The following CLPB variants were observed in gnomAD, a reference collection of about 807,000 sequenced individuals.
CLPB encodes ClpB family mitochondrial disaggregase, also known as mitochondrial disaggregase.
A neutral mutation model predicts 78.4 loss-of-function variants in CLPB; 40 were observed. That is an observed-to-expected ratio of 0.51 (90% CI 0.40 to 0.66). CLPB has a LOEUF of 0.66. Among genes scored for constraint, CLPB ranks in the 30% least tolerant of loss-of-function variants. CLPB has a pLI of 0.00. For missense variants in CLPB, 780 were observed against 886.9 expected, an observed-to-expected ratio of 0.88 and a Z score of 1.53; for synonymous variants, 333 against 348.0, an observed-to-expected ratio of 0.96 and a Z score of 0.48.
rs200621339 is a variant in CLPB at position 72,420,410 on chromosome 11, CTTGAACCCAGGAG to C, written c.455+9889_455+9901del. ...TCGGGAGGCTGAGGCAGGAGAATGG[CTTGAACCCAGGAG>C]GCAGAGGTTGCAGTGAGCCGAGATT... is the stretch of plus-strand genomic sequence containing the variant. On this transcript the variant is annotated intron_variant, in intron 2 of 15. Transcript: ENST00000538039. 4.0e-3 allele frequency among the ~76,000 whole-genome samples: 608 copies of C among 152,194 alleles called. 12 individuals carry two copies. In the East Asian group the frequency reaches 0.063, roughly 16 times the overall value.
Position 72,421,576 on chromosome 11 carries a change from C to T in CLPB, c.455+8736G>A, listed in dbSNP as rs368764266. ...AAAGATACTTTACAGTGGAGGCCCC[C>T]GAGGAAACTGAGAGACTAGCCCAAG... On this transcript the variant is annotated intron_variant, in intron 2 of 15. Transcript: ENST00000538039. 5.3e-5 allele frequency among the ~76,000 whole-genome samples: 8 copies of T among 152,232 alleles called. No individual in the cohort carries two copies. The East Asian group carries it at 7.7e-4, about 15-fold the overall frequency.
chr11:72,314,558 C>G (rs188338911), intron 7 of CLPB, among the ~76,000 whole-genome samples: 1 of 152,174 alleles, frequency 6.6e-6, no homozygotes, highest in East Asian at 1.9e-4. Context: ...AGGGGCCAGA[C>G]CAAATTCTTT....
At chr11:72,391,357 T>G (rs1385250320) in intron 3 of CLPB, among the ~76,000 whole-genome samples, 1 of 152,210 alleles carries the variant, frequency 6.6e-6, no homozygotes, top group African/African-American at 2.4e-5. Context: ...TCTTTCTCTT[T>G]GTCTGCACAG....
At chr11:72,412,041 A>C (rs1305206076) in intron 2 of CLPB, 2 of 152,254 alleles carry the variant, frequency 1.3e-5, no homozygotes, top group African/African-American at 4.8e-5. Flanking sequence ...CAGAATCCCC[A>C]GGCAGCCTCC....
chr11:72,300,045 T>C (rs1332151490), intron 11 of CLPB, among the ~76,000 whole-genome samples: 2 of 152,118 alleles, frequency 1.3e-5, no homozygotes, highest in Non-Finnish European at 2.9e-5. Context: ...CATGGTCCCG[T>C]CCCTTGCGTG....
At chr11:72,301,651 T>C (rs1233181642) in intron 11 of CLPB, 152 bp downstream of exon 11, 1 of 845,104 alleles carries the variant, frequency 1.2e-6, no homozygotes, top group Non-Finnish European at 1.9e-6. Context: ...GCAGAGGGGC[T>C]AAGTTGCACC....
At chr11:72,385,926 T>C (rs1249243722) in intron 3 of CLPB, among the ~76,000 whole-genome samples, 1 of 152,196 alleles carries the variant, frequency 6.6e-6, no homozygotes, top group Non-Finnish European at 1.5e-5. Flanking sequence ...TATAAAACAA[T>C]AGATTGTTTT....
At chr11:72,379,852 T>C (rs1423181617) in intron 4 of CLPB, among the ~76,000 whole-genome samples, 1 of 152,130 alleles carries the variant, frequency 6.6e-6, no homozygotes, top group African/African-American at 2.4e-5. Context: ...GTGAGGCTGT[T>C]GTCTAGTTCT....
At chr11:72,426,014 G>A (rs186014044) in intron 2 of CLPB, among the ~76,000 whole-genome samples, 86 of 152,168 alleles carry the variant, frequency 5.7e-4, no homozygotes, top group African/African-American at 1.9e-3. Flanking sequence ...CTGCTTAAGT[G>A]TTCCCTGTGC....
chr11:72,382,296 C>T (rs1192971562), intron 3 of CLPB, among the ~76,000 whole-genome samples: 2 of 152,034 alleles, frequency 1.3e-5, no homozygotes, highest in Admixed American at 6.5e-5. Flanking sequence ...ACCCAGGGCC[C>T]GGGCCCAACC....
chr11:72,418,737 C>A (rs1339745554), intron 2 of CLPB, among the ~76,000 whole-genome samples: 1 of 151,976 alleles, frequency 6.6e-6, no homozygotes, highest in Non-Finnish European at 1.5e-5. Context: ...CACCTGTAAT[C>A]CCAGCTACTC....
rs113149391 is a variant in CLPB, at chr11:72,416,710, T to C, written c.455+13602A>G. On this transcript the variant is annotated intron_variant, in intron 2 of 15. Transcript: ENST00000538039. Reference sequence around the variant, plus strand: ...AAGATCGCGCCACTGCATTCCAGCCTGGATGACAGAGCAAGACTCCGTCTC... The same window carrying C: ...AAGATCGCGCCACTGCATTCCAGCCCGGATGACAGAGCAAGACTCCGTCTC... 7.3e-3 allele frequency among the ~76,000 whole-genome samples: 946 copies of C among 128,924 alleles called. 11 individuals carry two copies. Among genetic ancestry groups the C allele is most frequent in the African/African-American group, 0.027 (903 of 33,196 alleles). 84.6% of individuals were successfully genotyped at this position (128,924 alleles called of 152,430 possible).
intron 3 of CLPB, among the ~76,000 whole-genome samples, chr11:72,397,052 A>G (rs1855427458): frequency 6.6e-6 from 1 of 152,246 alleles, no homozygotes; most frequent in Admixed American, 6.5e-5. Context: ...ATCATCCCAA[A>G]AAGTTCCTTT....
At chr11:72,422,038 C>T (rs893304160) in intron 2 of CLPB, among the ~76,000 whole-genome samples, 2 of 150,928 alleles carry the variant, frequency 1.3e-5, no homozygotes, top group Non-Finnish European at 3.0e-5. Flanking sequence ...GAGGCCAAGG[C>T]GGGCGGATCA....
Position 72,294,464 on chromosome 11 carries a change from G to C in CLPB, c.1561-20C>G. Reference sequence around the variant, plus strand: ...GTGAGCCTGAAGGGCCAGGTTAGGGGTGGGATGAGCTCAGTGACCCAGAGC... The same window carrying C: ...GTGAGCCTGAAGGGCCAGGTTAGGGCTGGGATGAGCTCAGTGACCCAGAGC... On this transcript the variant is annotated intron_variant, in intron 13 of 15. Coordinates refer to ENST00000538039, the MANE Select transcript of CLPB (RefSeq NM_001258392.3). 1 of 1,613,918 alleles carries C rather than the reference G, an allele frequency of 6.2e-7. No homozygotes were observed. Among genetic ancestry groups the C allele is most frequent in the East Asian group, 2.2e-5 (1 of 44,868 alleles).
chr11:72,381,295 A>G (rs1854905784), intron 3 of CLPB, among the ~76,000 whole-genome samples: 1 of 152,086 alleles, frequency 6.6e-6, no homozygotes, highest in South Asian at 2.1e-4. Flanking sequence ...CACTCCAGTA[A>G]AACTCAGTGC....
intron 2 of CLPB, among the ~76,000 whole-genome samples, chr11:72,428,036 C>T (rs1856438181): frequency 6.6e-6 from 1 of 152,186 alleles, no homozygotes; most frequent in Non-Finnish European, 1.5e-5. Flanking sequence ...TTTACCCCCA[C>T]TGCCCCCAGA....
At chr11:72,422,063 C>G (rs904868075) in intron 2 of CLPB, among the ~76,000 whole-genome samples, 1 of 151,464 alleles carries the variant, frequency 6.6e-6, no homozygotes, top group South Asian at 2.1e-4. Context: ...GTCAGGAGAT[C>G]GAGACCATCT....
chr11:72,311,464 G>A (rs546541099), intron 7 of CLPB, among the ~76,000 whole-genome samples: 1 of 152,172 alleles, frequency 6.6e-6, no homozygotes, highest in African/African-American at 2.4e-5. Context: ...CCATTTTATA[G>A]GTGAGGAAAC....
Sources: gnomAD v4.1 joint callset for allele counts (sites outside exome capture counted in the v4.1 genomes callset) on GRCh38, gnomAD v4.1.1 for gene constraint, MANE v1.5 for transcripts, NCBI Gene and HGNC (gene_info 2026-07-23, HGNC 2026-07-21) for gene names.